The following TDRD6 variants were observed in gnomAD, a reference collection of about 807,000 sequenced individuals.
The protein encoded by TDRD6 is tudor domain-containing protein 6.
A neutral mutation model predicts 157.5 loss-of-function variants in TDRD6; 186 were observed. The observed-to-expected ratio is 1.18, with a 90% CI of 1.05 to 1.33. The LOEUF is 1.33. Among genes scored for constraint, TDRD6 ranks in the 40% most tolerant of loss-of-function variants. TDRD6 has a pLI of 0.00. For missense variants in TDRD6, 3,066 were observed against 2,508.0 expected (o/e 1.22, Z -4.75); for synonymous variants, 1,075 against 945.2 (o/e 1.14, Z -2.52).
Position 46,692,531 on chromosome 6 carries a change from T to G in TDRD6, c.4403T>G (p.Ile1468Ser). 6.2e-7 allele frequency: 1 copy of G among 1,613,852 alleles called. No homozygotes were observed. The highest frequency in any genetic ancestry group is 8.5e-7 in the Non-Finnish European group (1 of 1,180,034). ...GTTATTCTTGCTGATGAACATGGGA[T>G]CATAGCAGATGATATGATTAGCAGG... The part of the protein sequence containing the change: ...WEVILADEHG[I>S]IADDMISRYA... Residue 1468 changes from isoleucine (I) to serine (S), a missense_variant, in exon 1 of 4, where the codon ATC (isoleucine) becomes AGC (serine). Ile to Ser is a moderately radical substitution (Grantham distance 142). Transcript: ENST00000316081.
chr6:46,688,239 C>T lies in TDRD6; in HGVS notation c.111C>T (p.Gly37=). Residue 37 remains glycine, a synonymous_variant, in exon 1 of 4, where the codon GGC becomes GGT. Transcript: ENST00000316081. ...CGGTGCAGCTGTGGGGGCTGGTGGG[C>T]GAGCGGCGGGGCGAGTACCTGCGGC... ...VIPVQLWGLV[G]ERRGEYLRLS... 6.6e-7 allele frequency: 1 copy of T among 1,524,106 alleles called. No homozygotes were observed. The highest frequency in any genetic ancestry group is 8.7e-7 in the Non-Finnish European group (1 of 1,142,928). 94.4% of individuals were successfully genotyped at this position (1,524,106 alleles called of 1,614,324 possible).
rs749094861 is a variant in TDRD6 at position 46,693,516 on chromosome 6, A to G, written c.5388A>G (p.Glu1796=). ...TTGATACTGAGGAACTGGAAGGTGAATTAGAGTGCCATCTGGTTGACAAAG... is the reference window on the plus strand; with the variant it reads ...TTGATACTGAGGAACTGGAAGGTGAGTTAGAGTGCCATCTGGTTGACAAAG... ...DKIDTEELEG[E]LECHLVDKAE... The change falls in exon 1 of 4, where the codon GAA becomes GAG. Residue 1796 remains glutamate (E), a synonymous_variant. Transcript: ENST00000316081. The G allele has an allele frequency of 1.2e-6, 2 of 1,613,800 alleles. No individual in the cohort carries two copies. The highest frequency in any genetic ancestry group is 1.7e-5 in the Admixed American group (1 of 59,956).
chr6:46,681,382 T>C, the TDRD6 span: 1 of 328,452 alleles, frequency 3.0e-6, no homozygotes, highest in Non-Finnish European at 6.2e-6. Context: ...AATATGTGAT[T>C]TTAAAGCATG....
At position 46,691,279 on chromosome 6, in the gene TDRD6, A is replaced by C. The variant is rs781132078; in HGVS notation, c.3151A>C (p.Arg1051=). 1.1e-5 allele frequency: 17 copies of C among 1,613,974 alleles called. No homozygotes were observed. The highest frequency in any genetic ancestry group is 1.3e-5 in the African/African-American group (1 of 74,922). ...CAAGTATACTGATGGAAACTGGTAT[A>C]GGGGCATAGTAATAGAGAAAGAGCC... ...LAKYTDGNWY[R]GIVIEKEPKK... is the part of the protein sequence containing the mutation. Residue 1051 remains arginine, a synonymous_variant, in exon 1 of 4, where the codon AGG becomes CGG. Coordinates refer to ENST00000316081, the MANE Select transcript of TDRD6 (RefSeq NM_001010870.3).
rs370082076 is a variant in TDRD6, at chr6:46,688,195, G to C, written c.67G>C (p.Val23Leu). Residue 23 changes from valine (V) to leucine (L), a missense_variant, in exon 1 of 4, where the codon GTG (valine) becomes CTG (leucine). By Grantham distance (32) the Val-to-Leu change is conservative. Transcript: ENST00000316081. ...SLALRVSFVDVHPDVIPVQLW... is the reference protein window; with the variant it reads ...SLALRVSFVDLHPDVIPVQLW... The stretch of plus-strand genomic sequence containing the variant: ...GGCCCTGCGGGTGTCCTTCGTGGAC[G>C]TGCATCCCGATGTGATCCCGGTGCA... 1.9e-6 allele frequency: 3 copies of C among 1,548,794 alleles called. No individual in the cohort carries two copies. The highest frequency in any genetic ancestry group is 2.6e-6 in the Non-Finnish European group (3 of 1,153,546).
chr6:46,700,090 G>A (rs954892967), intron 3 of TDRD6, among the ~76,000 whole-genome samples: 2 of 151,738 alleles, frequency 1.3e-5, no homozygotes, highest in Non-Finnish European at 2.9e-5. Context: ...TTTACATTTG[G>A]GTTGTCTCCA....
At position 46,691,940 on chromosome 6, in the gene TDRD6, G is replaced by T. The variant is rs1196610807; in HGVS notation, c.3812G>T (p.Arg1271Ile). 1 of 1,610,714 alleles carries T rather than the reference G, an allele frequency of 6.2e-7. No individual in the cohort carries two copies. Among genetic ancestry groups the T allele is most frequent in the Non-Finnish European group, 8.5e-7 (1 of 1,179,278 alleles). ...GCTGAGACACCCTTGAAAACAGCAAGAGTAGAAGCTACTCTTTCAGAGAGA... is the reference window on the plus strand; with the variant it reads ...GCTGAGACACCCTTGAAAACAGCAATAGTAGAAGCTACTCTTTCAGAGAGA... ...ISAETPLKTA[R>I]VEATLSERKI... The change falls in exon 1 of 4, where the codon AGA becomes ATA. Residue 1271 changes from arginine (R) to isoleucine (I), a missense_variant. By Grantham distance (97) the Arg-to-Ile change is moderately conservative (BLOSUM62 -3). Transcript: ENST00000316081.
At chr6:46,699,568 C>G (rs1764574209) in intron 3 of TDRD6, among the ~76,000 whole-genome samples, 1 of 152,108 alleles carries the variant, frequency 6.6e-6, no homozygotes, top group African/African-American at 2.4e-5. Context: ...AGTCCACTGG[C>G]TATAAATAAG....
chr6:46,688,082 G>T lies in TDRD6; in HGVS notation c.-47G>T. ...GCGCGGAGGATTTCGAGGCCCTGAG[G>T]CGCGGCCCTTAATTTCCGGAAGTGG... On this transcript the variant is annotated 5_prime_UTR_variant, in exon 1 of 4. Transcript: ENST00000316081. 1 of 1,433,960 alleles carries T rather than the reference G, an allele frequency of 7.0e-7. No homozygotes were observed. The highest frequency in any genetic ancestry group is 9.1e-7 in the Non-Finnish European group (1 of 1,103,340). The allele number at this position is 1,433,960 out of a possible 1,614,324, so 88.8% of individuals were successfully genotyped here. A position where few individuals can be genotyped will look rare whatever the true frequency, so the allele number is the denominator to read the frequency against.
chr6:46,686,282 A>G (rs910768764), upstream of TDRD6, among the ~76,000 whole-genome samples: 2 of 152,220 alleles, frequency 1.3e-5, no homozygotes, highest in African/African-American at 4.8e-5. Context: ...AGACCATTTT[A>G]TAATGAATTC....
chr6:46,680,518 AT>A, the TDRD6 span, among the ~76,000 whole-genome samples: 1 of 152,146 alleles, frequency 6.6e-6, no homozygotes, highest in Non-Finnish European at 1.5e-5. Flanking sequence ...TTAAAGTACA[AT>A]ACAGACTTCT....
At chr6:46,699,556 C>G (rs557094693) in intron 3 of TDRD6, among the ~76,000 whole-genome samples, 1 of 152,132 alleles carries the variant, frequency 6.6e-6, no homozygotes, top group Non-Finnish European at 1.5e-5. Context: ...TCCTTTATCC[C>G]TAGTCCACTG....
rs748036694 is a variant in TDRD6, at chr6:46,689,569, A to G, written c.1441A>G (p.Ile481Val). 5.0e-6 allele frequency: 8 copies of G among 1,614,078 alleles called. No homozygotes were observed. Among genetic ancestry groups the G allele is most frequent in the Admixed American group, 3.3e-5 (2 of 60,006 alleles). ...GATTTCACTCCCAGCCTTAAGATCTATCAGGTTAAAGATGAATGCCTTCTA... is the reference window on the plus strand; with the variant it reads ...GATTTCACTCCCAGCCTTAAGATCTGTCAGGTTAAAGATGAATGCCTTCTA... ...EEISLPALRSIRLKMNAFYDA... is the reference protein window; with the variant it reads ...EEISLPALRSVRLKMNAFYDA... Residue 481 changes from isoleucine to valine, a missense_variant, in exon 1 of 4, where the codon ATC (isoleucine) becomes GTC (valine). Ile to Val is a conservative substitution (Grantham distance 29, BLOSUM62 3). Coordinates refer to ENST00000316081, the MANE Select transcript of TDRD6 (RefSeq NM_001010870.3).
At chr6:46,698,190 G>A in intron 3 of TDRD6, 103 bp downstream of exon 3, 2 of 734,894 alleles carry the variant, frequency 2.7e-6, no homozygotes, top group Non-Finnish European at 2.2e-6. Flanking sequence ...AAAAATGGGA[G>A]AAAAATCCTG....
intron 3 of TDRD6, among the ~76,000 whole-genome samples, chr6:46,700,084 C>T (rs146617682): frequency 1.9e-4 from 29 of 152,266 alleles, no homozygotes; most frequent in African/African-American, 6.7e-4. Context: ...AAACTTTTTA[C>T]ATTTGGGTTG....
rs529097473 is a variant in TDRD6, at chr6:46,690,052, G to A, written c.1924G>A (p.Val642Ile). ...HILDKQDHQY[V>I]IEILDESRTG... ...TCTTGATAAACAGGATCATCAATAT[G>A]TTATTGAGATTCTTGACGAATCAAG... The change falls in exon 1 of 4, where the codon GTT (valine) becomes ATT (isoleucine). Residue 642 changes from valine (V) to isoleucine (I), a missense_variant. Transcript: ENST00000316081. 5.0e-6 allele frequency: 8 copies of A among 1,613,910 alleles called. No homozygotes were observed. In the Admixed American group the frequency reaches 5.0e-5, roughly 10 times the overall value.
rs1187496472 is a variant in TDRD6, at chr6:46,688,512, C to A, written c.384C>A (p.Gly128=). 1 of 1,563,976 alleles carries A rather than the reference C, an allele frequency of 6.4e-7. No individual in the cohort carries two copies. The highest frequency in any genetic ancestry group is 2.3e-5 in the East Asian group (1 of 42,842). The change falls in exon 1 of 4, where the codon GGC becomes GGA. Residue 128 remains glycine (G), a synonymous_variant. Transcript: ENST00000316081. ...EFFNLPSEVL[G]CVLAGLVPAG... ...TCAATTTGCCCTCGGAAGTGCTGGG[C>A]TGCGTGCTAGCGGGCCTGGTGCCGG...
chr6:46,693,865 C>T lies in TDRD6; in HGVS notation c.5737C>T (p.Gln1913Ter), dbSNP rs1764419731. ...KQPELELPTA[Q>*]LPLDDKMDPL... ...GCCAGAACTAGAACTACCTACAGCCCAGCTGCCTTTAGATGACAAGATGGA... is the reference window on the plus strand; with the variant it reads ...GCCAGAACTAGAACTACCTACAGCCTAGCTGCCTTTAGATGACAAGATGGA... Residue 1913 changes from glutamine to a stop codon, truncating the protein, a stop_gained, in exon 1 of 4, where the codon CAG (glutamine) becomes TAG (stop). Coordinates refer to ENST00000316081, the MANE Select transcript of TDRD6 (RefSeq NM_001010870.3). LOFTEE classifies it high-confidence loss of function. 2 of 1,614,098 alleles carry T rather than the reference C, an allele frequency of 1.2e-6. No individual in the cohort carries two copies. Among genetic ancestry groups the T allele is most frequent in the Non-Finnish European group, 1.7e-6 (2 of 1,180,054 alleles).
At chr6:46,682,725 T>C in the TDRD6 span, among the ~76,000 whole-genome samples, 1 of 151,880 alleles carries the variant, frequency 6.6e-6, no homozygotes, top group African/African-American at 2.4e-5. Context: ...AAAATTAATA[T>C]TATTTACAAT....
Sources: gnomAD v4.1 joint callset for allele counts (sites outside exome capture counted in the v4.1 genomes callset) on GRCh38, gnomAD v4.1.1 for gene constraint, MANE v1.5 for transcripts, NCBI Gene and HGNC (gene_info 2026-07-23, HGNC 2026-07-21) for gene names.